Variants in RIF1 observed in about 807,000 individuals in gnomAD.
The protein encoded by RIF1 is replication timing regulatory factor 1.
A neutral mutation model predicts 247.1 loss-of-function variants in RIF1; 45 were observed. The ratio of observed to expected loss-of-function variants is 0.18; its 90% CI spans 0.14 to 0.23. The LOEUF is 0.23. Ranked by LOEUF, RIF1 falls within the 10% of genes least tolerant of loss-of-function variation. The pLI, the probability that RIF1 is intolerant of heterozygous loss-of-function variation, is 1.00. For missense variants in RIF1, 2,967 were observed against 2,862.5 expected, an observed-to-expected ratio of 1.04 and a Z score of -0.83; for synonymous variants, 1,087 against 978.8, an observed-to-expected ratio of 1.11 and a Z score of -2.06.
chr2:151,426,076 A>C (rs1017464054), intron 8 of RIF1, among the ~76,000 whole-genome samples: 1 of 150,366 alleles, frequency 6.7e-6, no homozygotes, highest in Non-Finnish European at 1.5e-5. Flanking sequence ...TCCTTATGCC[A>C]TTATCATATG....
At chr2:151,531,795 G>A in the RIF1 span, 6,157 of 1,606,344 alleles carry the variant, frequency 3.8e-3, 110 homozygotes, top group African/African-American at 0.029. Flanking sequence ...CACTTACATC[G>A]CTGATTTGTT....
Position 151,464,384 on chromosome 2 carries a change from C to G in RIF1, c.4864C>G (p.Gln1622Glu), listed in dbSNP as rs764232445. 1 of 1,610,214 alleles carries G rather than the reference C, an allele frequency of 6.2e-7. No homozygotes were observed. The highest frequency in any genetic ancestry group is 8.5e-7 in the Non-Finnish European group (1 of 1,178,960). ...CATAAAATCTCCGATTTGCGAAAAA[C>G]AAGATGAAAGTAATACTGTAATATG... is the stretch of plus-strand genomic sequence containing the variant. ...VSIKSPICEK[Q>E]DESNTVICQD... is the part of the protein sequence containing the mutation. The change falls in exon 30 of 36, where the codon CAA becomes GAA. Residue 1622 changes from glutamine to glutamate, a missense_variant. Gln to Glu is a conservative substitution (Grantham distance 29). Transcript: ENST00000444746.
Position 151,465,109 on chromosome 2 carries a change from C to A in RIF1, c.5589C>A (p.Gly1863=). ...CTAATGAAAATTTTAAAACTGTTGG[C>A]CCGTGTTTAGGAGACTCGAAAAATG... ...ESPNENFKTV[G]PCLGDSKNVS... The change falls in exon 30 of 36, where the codon GGC becomes GGA. Residue 1863 remains glycine, a synonymous_variant. Coordinates refer to ENST00000444746, the MANE Select transcript of RIF1 (RefSeq NM_018151.5). 1 of 1,609,622 alleles carries A rather than the reference C, an allele frequency of 6.2e-7. No individual in the cohort carries two copies. The highest frequency in any genetic ancestry group is 8.5e-7 in the Non-Finnish European group (1 of 1,179,068).
At chr2:151,412,241 T>G (rs1686366417) in intron 3 of RIF1, among the ~76,000 whole-genome samples, 1 of 106,100 alleles carries the variant, frequency 9.4e-6, no homozygotes, top group South Asian at 4.1e-4. Flanking sequence ...AATGAAAAAG[T>G]TGAACTTTTA....
chr2:151,416,840 T>C lies in RIF1; in HGVS notation c.442T>C (p.Phe148Leu). The C allele has an allele frequency of 6.2e-7, 1 of 1,612,784 alleles. No homozygotes were observed. Among genetic ancestry groups the C allele is most frequent in the Non-Finnish European group, 8.5e-7 (1 of 1,179,188 alleles). ...TATAATTGATTCATTAGAAATACTG[T>C]TTAACAAAGGAGAGACGCATTCTGC... ...SSIIDSLEIL[F>L]NKGETHSAVV... Residue 148 changes from phenylalanine to leucine, a missense_variant, in exon 6 of 36, where the codon TTT becomes CTT. This residue lies in a region of RIF1 where 269 missense variants were observed against 288.6 expected (regional missense o/e 0.93). Coordinates refer to ENST00000444746, the MANE Select transcript of RIF1 (RefSeq NM_018151.5).
chr2:151,432,986 CTT>C (rs1690459087), intron 9 of RIF1, 89 bp from the exon 10 acceptor site: 1 of 986,020 alleles, frequency 1.0e-6, no homozygotes, highest in African/African-American at 1.6e-5. Context: ...AATACGTTCT[CTT>C]GCTGTGATAA....
rs1339142518 is a variant in RIF1, at chr2:151,474,040, C to T, written c.7172C>T (p.Ser2391Phe). Residue 2391 changes from serine (S) to phenylalanine (F), a missense_variant, in exon 35 of 36, where the codon TCT (serine) becomes TTT (phenylalanine). Ser to Phe is a radical substitution (Grantham distance 155). Around this residue, in one of 7 missense-constraint regions of RIF1, gnomAD observed 151 missense variants for 163.4 expected, o/e 0.92. Coordinates refer to ENST00000444746, the MANE Select transcript of RIF1 (RefSeq NM_018151.5). The part of the protein sequence containing the change: ...EKTVNGIENK[S>F]LSPDEERLVS... Reference sequence around the variant, plus strand: ...ACAGTAAATGGAATAGAAAATAAATCTTTGTCACCTGATGAAGAAAGACTT... The same window carrying T: ...ACAGTAAATGGAATAGAAAATAAATTTTTGTCACCTGATGAAGAAAGACTT... 1 of 1,562,908 alleles carries T rather than the reference C, an allele frequency of 6.4e-7. No individual in the cohort carries two copies. Among genetic ancestry groups the T allele is most frequent in the Non-Finnish European group, 8.8e-7 (1 of 1,136,790 alleles).
Position 151,461,174 on chromosome 2 carries a change from G to C in RIF1, c.3112G>C (p.Glu1038Gln), listed in dbSNP as rs755133885. The change falls in exon 27 of 36, where the codon GAA becomes CAA. Residue 1038 changes from glutamate to glutamine, a missense_variant. Transcript: ENST00000444746. ...ATCTTCGTCTTTAAAAGTAAAGGGT[G>C]AAATTCTTTTGGAAGAGGAAAAGTC... The part of the protein sequence containing the change: ...LESSSLKVKG[E>Q]ILLEEEKSTD... 1.9e-6 allele frequency: 3 copies of C among 1,612,628 alleles called. No homozygotes were observed. Among genetic ancestry groups the C allele is most frequent in the Non-Finnish European group, 2.5e-6 (3 of 1,179,670 alleles).
chr2:151,415,051 T>A (rs1686943832), intron 4 of RIF1, 132 bp downstream of exon 4: 1 of 621,778 alleles, frequency 1.6e-6, no homozygotes, highest in East Asian at 2.9e-5. Flanking sequence ...GGTTTGCTTT[T>A]AAGAAAGAAA....
In RIF1 at chr2:151,463,479, G is replaced by C. The variant is rs771947273; in HGVS notation, c.3959G>C (p.Gly1320Ala). Residue 1320 changes from glycine (G) to alanine (A), a missense_variant, in exon 30 of 36, where the codon GGC (glycine) becomes GCC (alanine). By Grantham distance (60) the Gly-to-Ala change is moderately conservative. This residue lies in a region of RIF1 where 2,028 missense variants were observed against 1,825.6 expected (regional missense o/e 1.11). Coordinates refer to ENST00000444746, the MANE Select transcript of RIF1 (RefSeq NM_018151.5). ...AAAAATACTGAGGAATCTGTTGAAG[G>C]CATTGTAGTCTTAGAAAATAACCCA... ...PEKNTEESVE[G>A]IVVLENNPPG... The C allele has an allele frequency of 6.2e-7, 1 of 1,614,050 alleles. No homozygotes were observed. Among genetic ancestry groups the C allele is most frequent in the South Asian group, 1.1e-5 (1 of 91,072 alleles).
the RIF1 span, among the ~76,000 whole-genome samples, chr2:151,518,727 T>G: frequency 6.6e-6 from 1 of 152,160 alleles, no homozygotes; most frequent in Admixed American, 6.6e-5. Flanking sequence ...AATGGTTAAT[T>G]GGAGGGCAAA....
intron 9 of RIF1, chr2:151,492,357 C>A: frequency 6.3e-7 from 1 of 1,587,788 alleles, no homozygotes; most frequent in South Asian, 1.1e-5. Flanking sequence ...TGACAGGCAG[C>A]CAGCCAATCC....
chr2:151,452,927 C>T (rs541009499), intron 21 of RIF1, among the ~76,000 whole-genome samples: 25 of 152,294 alleles, frequency 1.6e-4, no homozygotes, highest in African/African-American at 5.8e-4. Flanking sequence ...AGCCAGAGTT[C>T]TCTTGCTGTA....
chr2:151,423,052 C>T lies in RIF1; in HGVS notation c.786+10C>T. 3.5e-6 allele frequency: 5 copies of T among 1,446,474 alleles called. No homozygotes were observed. The highest frequency in any genetic ancestry group is 4.9e-6 in the Non-Finnish European group (5 of 1,030,442). The allele number at this position is 1,446,474 out of a possible 1,614,324, so 89.6% of individuals were successfully genotyped here. ...CAAACTACTTGGAAGGGTAAGTGCC[C>T]AGTTAATGAACAGTCAACAGTTTTT... On this transcript the variant is annotated intron_variant, in intron 8 of 35. Coordinates refer to ENST00000444746, the MANE Select transcript of RIF1 (RefSeq NM_018151.5).
Position 151,451,597 on chromosome 2 carries a change from C to G in RIF1, c.2245-9C>G, listed in dbSNP as rs1694331491. ...TGAATGTTTCTAACAGTGGTACTTTCTTCCCTAGAATTTGTTGTTCGTGGA... is the reference window on the plus strand; with the variant it reads ...TGAATGTTTCTAACAGTGGTACTTTGTTCCCTAGAATTTGTTGTTCGTGGA... On this transcript the variant is annotated splice_polypyrimidine_tract_variant and intron_variant, in intron 20 of 35. Coordinates refer to ENST00000444746, the MANE Select transcript of RIF1 (RefSeq NM_018151.5). 1 of 1,274,056 alleles carries G rather than the reference C, an allele frequency of 7.8e-7. No individual in the cohort carries two copies. Among genetic ancestry groups the G allele is most frequent in the Admixed American group, 1.7e-5 (1 of 59,338 alleles). The allele number at this position is 1,274,056 out of a possible 1,614,324, so 78.9% of individuals were successfully genotyped here. A position where few individuals can be genotyped will look rare whatever the true frequency, so the allele number is the denominator to read the frequency against.
intron 33 of RIF1, among the ~76,000 whole-genome samples, chr2:151,469,436 G>C (rs1247843025): frequency 6.6e-6 from 1 of 152,118 alleles, no homozygotes; most frequent in African/African-American, 2.4e-5. Flanking sequence ...TTGGGGAGGG[G>C]ATTATGTGTA....
chr2:151,412,628 C>T (rs1686452869), intron 3 of RIF1, among the ~76,000 whole-genome samples: 1 of 152,122 alleles, frequency 6.6e-6, no homozygotes, highest in Non-Finnish European at 1.5e-5. Flanking sequence ...GCTGGGATTA[C>T]AGGCATGCCC....
At chr2:151,524,111 G>C in the RIF1 span, among the ~76,000 whole-genome samples, 1 of 152,170 alleles carries the variant, frequency 6.6e-6, no homozygotes, top group African/African-American at 2.4e-5. Context: ...AAATGGTAAA[G>C]TGGAGAACAA....
chr2:151,522,069 G>T, the RIF1 span, among the ~76,000 whole-genome samples: 1 of 152,192 alleles, frequency 6.6e-6, no homozygotes, highest in Non-Finnish European at 1.5e-5. Flanking sequence ...GTCTCGGCAA[G>T]TGGCAGCCCC....
Sources: allele counts gnomAD v4.1 joint callset (sites outside exome capture counted in the v4.1 genomes callset), GRCh38; gene constraint gnomAD v4.1.1; regional missense constraint gnomAD v4.1.1; transcripts MANE v1.5; gene names NCBI Gene and HGNC (gene_info 2026-07-23, HGNC 2026-07-21).